The following PGR variants were observed in gnomAD, a reference collection of about 807,000 sequenced individuals.
PGR encodes progesterone receptor.
Under a neutral mutation model 76.1 loss-of-function variants are expected in PGR, and 25 were observed. That is an observed-to-expected ratio of 0.33 (90% CI 0.24 to 0.46). The LOEUF (loss-of-function observed/expected upper bound fraction) is 0.46, where lower values mean the gene tolerates loss of function less well. Among genes scored for constraint, PGR ranks in the 20% least tolerant of loss-of-function variants. PGR has a pLI of 1.00. For synonymous variants in PGR, 579 were observed against 535.0 expected (o/e 1.08, Z -1.14); for missense variants, 1,172 against 1,225.3 (o/e 0.96, Z 0.65).
chr11:101,107,256 G>A (rs1323542222), intron 2 of PGR, among the ~76,000 whole-genome samples: 1 of 152,066 alleles, frequency 6.6e-6, no homozygotes, highest in Non-Finnish European at 1.5e-5. Context: ...TCTAAATAAT[G>A]TGTTCTTTTT....
chr11:101,086,384 G>T (rs1312697326), intron 3 of PGR, among the ~76,000 whole-genome samples: 3 of 152,000 alleles, frequency 2.0e-5, no homozygotes, highest in Non-Finnish European at 2.9e-5. Flanking sequence ...TCGATAAAAT[G>T]CAATACCACT....
intron 4 of PGR, among the ~76,000 whole-genome samples, chr11:101,055,414 CAAAAAAAAAAAAAAAA>C (rs61303675): frequency 3.1e-5 from 2 of 65,040 alleles, no homozygotes; most frequent in African/African-American, 1.3e-4. Flanking sequence ...GACTCCATCT[CAAAAAAAAAAAAAAAA>C]AAAAAAAAAA....
chr11:101,039,222 C>T lies in PGR; in HGVS notation c.2696G>A (p.Arg899Gln), dbSNP rs757347239. ...TTCTGGAAATTCAACACTCAGTGCCCGGGACTGGATAAATGTATTCAAGCA... is the reference window on the plus strand; with the variant it reads ...TTCTGGAAATTCAACACTCAGTGCCTGGGACTGGATAAATGTATTCAAGCA... ...LYCLNTFIQSRALSVEFPEMM... is the reference protein window; with the variant it reads ...LYCLNTFIQSQALSVEFPEMM... The change falls in exon 8 of 8, where the codon CGG becomes CAG. Residue 899 changes from arginine (R) to glutamine (Q), a missense_variant. By Grantham distance (43) the Arg-to-Gln change is conservative. Around this residue, in one of 4 missense-constraint regions of PGR, gnomAD observed 166 missense variants for 296.0 expected, o/e 0.56. Transcript: ENST00000325455. The T allele has an allele frequency of 6.8e-6, 11 of 1,611,026 alleles. No homozygotes were observed. The highest frequency in any genetic ancestry group is 2.5e-6 in the Non-Finnish European group (3 of 1,177,914).
chr11:101,127,492 C>T lies in PGR; in HGVS notation c.1579G>A (p.Ala527Thr). The change falls in exon 1 of 8, where the codon GCC becomes ACC. Residue 527 changes from alanine (A) to threonine (T), a missense_variant. Around this residue, in one of 4 missense-constraint regions of PGR, gnomAD observed 893 missense variants for 785.9 expected, o/e 1.14. Coordinates refer to ENST00000325455, the MANE Select transcript of PGR (RefSeq NM_000926.4). ...LNGLPQLGYQ[A>T]AVLKEGLPQV... ...GGCAGGCCCTCCTTGAGCACGGCGG[C>T]CTGGTAGCCGAGCTGCGGGAGCCCG... is the stretch of plus-strand genomic sequence containing the variant. 2 of 1,553,454 alleles carry T rather than the reference C, an allele frequency of 1.3e-6. No homozygotes were observed. Among genetic ancestry groups the T allele is most frequent in the South Asian group, 1.2e-5 (1 of 84,488 alleles).
At position 101,117,673 on chromosome 11, in the gene PGR, G is replaced by A. The variant is rs188515406; in HGVS notation, c.1789+8334C>T. 3.9e-3 allele frequency among the ~76,000 whole-genome samples: 592 copies of A among 150,456 alleles called. 2 individuals are homozygous for A. Among genetic ancestry groups the A allele is most frequent in the African/African-American group, 0.014 (560 of 41,304 alleles). ...ATTTTTCTTGTGTATAATACGCCAG[G>A]AGTCACAATATTATTATATTAAAAA... On this transcript the variant is annotated intron_variant, in intron 2 of 7. Transcript: ENST00000325455.
intron 3 of PGR, among the ~76,000 whole-genome samples, chr11:101,087,431 T>A (rs1401659566): frequency 1.3e-5 from 2 of 152,062 alleles, no homozygotes; most frequent in Admixed American, 6.6e-5. Flanking sequence ...AAAAATTACC[T>A]CAAGGTAGAT....
rs10682415 is a variant in PGR, at chr11:101,100,605, C to CCACACACA, written c.1790-8737_1790-8730dup. Among the ~76,000 whole-genome samples the CCACACACA allele has an allele frequency of 7.5e-3, 1,114 of 147,662 alleles. 12 individuals carry two copies. The highest frequency in any genetic ancestry group is 0.024 in the African/African-American group (956 of 39,994). On this transcript the variant is annotated intron_variant, in intron 2 of 7. Coordinates refer to ENST00000325455, the MANE Select transcript of PGR (RefSeq NM_000926.4). ...TAATGCTGATACTAGTATTTTGAAT[C>CCACACACA]CACACACACACACACACACACACAC...
chr11:101,068,069 A>T (rs1860787057), intron 3 of PGR, among the ~76,000 whole-genome samples: 1 of 152,182 alleles, frequency 6.6e-6, no homozygotes, highest in Non-Finnish European at 1.5e-5. Flanking sequence ...TATTTTCTTA[A>T]GCCAACTGAG....
chr11:101,041,889 A>C, intron 7 of PGR, 56 bp downstream of exon 7: 1 of 1,465,156 alleles, frequency 6.8e-7, no homozygotes, highest in Non-Finnish European at 9.5e-7. Flanking sequence ...ACATTTAAAA[A>C]GTTATAGAAA....
At chr11:101,074,059 T>C (rs1180232831) in intron 3 of PGR, among the ~76,000 whole-genome samples, 2 of 152,172 alleles carry the variant, frequency 1.3e-5, no homozygotes, top group Non-Finnish European at 1.5e-5. Context: ...CTGATGAATA[T>C]TGATGCAAAA....
chr11:101,068,409 G>A (rs1159806538), intron 3 of PGR, among the ~76,000 whole-genome samples: 1 of 152,030 alleles, frequency 6.6e-6, no homozygotes, highest in Admixed American at 6.6e-5. Flanking sequence ...TCATAGATAG[G>A]AAGAATGTAT....
chr11:101,055,256 T>C (rs1480822835), intron 4 of PGR, among the ~76,000 whole-genome samples: 1 of 151,580 alleles, frequency 6.6e-6, no homozygotes, highest in Non-Finnish European at 1.5e-5. Context: ...CTACTAAAAA[T>C]ACAAAAATTA....
In PGR at chr11:101,031,884, C is replaced by CA. The variant is rs1859364359; in HGVS notation, c.*7231dup. The CA allele has an allele frequency of 1.7e-5, 4 of 230,104 alleles. No individual in the cohort carries two copies. Among genetic ancestry groups the CA allele is most frequent in the Admixed American group, 5.7e-5 (1 of 17,664 alleles). The allele number at this position is 230,104 out of a possible 1,614,324, so 14.3% of individuals were successfully genotyped here. On this transcript the variant is annotated 3_prime_UTR_variant, in exon 8 of 8. Transcript: ENST00000325455. ...AGAATGTGTTTATTTTGTATGGGTT[C>CA]AGCACAACTCAGTTCCTCTTTCTCA...
Position 101,127,632 on chromosome 11 carries a change from C to A in PGR, c.1439G>T (p.Cys480Phe), listed in dbSNP as rs1862901297. Reference protein sequence around the residue: ...PQQGPFAPPPCKAPGASGCLL... With the variant: ...PQQGPFAPPPFKAPGASGCLL... ...GCAGCCGCTCGCGCCCGGCGCCTTG[C>A]AGGGCGGCGGCGCGAACGGGCCCTG... Residue 480 changes from cysteine (C) to phenylalanine (F), a missense_variant, in exon 1 of 8, where the codon TGC becomes TTC. Cys to Phe is a radical substitution (Grantham distance 205). This residue lies in a region of PGR where 893 missense variants were observed against 785.9 expected (regional missense o/e 1.14). Transcript: ENST00000325455. The A allele has an allele frequency of 2.2e-6, 3 of 1,364,668 alleles. No homozygotes were observed. Among genetic ancestry groups the A allele is most frequent in the Non-Finnish European group, 2.8e-6 (3 of 1,066,238 alleles). 84.5% of individuals were successfully genotyped at this position (1,364,668 alleles called of 1,614,324 possible).
chr11:101,111,121 C>T (rs1862329345), intron 2 of PGR, among the ~76,000 whole-genome samples: 1 of 152,186 alleles, frequency 6.6e-6, no homozygotes, highest in Non-Finnish European at 1.5e-5. Flanking sequence ...TTGTCTAGAA[C>T]AGAACCTGCG....
chr11:101,123,157 T>C (rs1412579955), intron 2 of PGR, among the ~76,000 whole-genome samples: 1 of 152,210 alleles, frequency 6.6e-6, no homozygotes, highest in Non-Finnish European at 1.5e-5. Context: ...AGTTTCCTCA[T>C]TTGTAAAGTG....
chr11:101,036,442 G>A lies in PGR; in HGVS notation c.*2674C>T, dbSNP rs1859518504. ...AAGAATCTATTTCAGTAACCTTCAA[G>A]TATTTCCTGATATGTAACCTGTCTT... On this transcript the variant is annotated 3_prime_UTR_variant, in exon 8 of 8. Coordinates refer to ENST00000325455, the MANE Select transcript of PGR (RefSeq NM_000926.4). 5.0e-6 allele frequency: 1 copy of A among 200,360 alleles called. No homozygotes were observed. Among genetic ancestry groups the A allele is most frequent in the South Asian group, 1.9e-4 (1 of 5,270 alleles). 12.4% of individuals were successfully genotyped at this position (200,360 alleles called of 1,614,324 possible).
At chr11:101,042,834 T>C (rs1859739195) in intron 6 of PGR, among the ~76,000 whole-genome samples, 2 of 152,168 alleles carry the variant, frequency 1.3e-5, no homozygotes, top group Non-Finnish European at 2.9e-5. Flanking sequence ...ATGTATTAAG[T>C]GTGCAACAGC....
intron 2 of PGR, among the ~76,000 whole-genome samples, chr11:101,107,233 TTCATG>T (rs769328955): frequency 6.6e-6 from 1 of 152,108 alleles, no homozygotes; most frequent in Non-Finnish European, 1.5e-5. Context: ...AATTAAGTTC[TTCATG>T]TCATCATTCT....
Sources: allele counts gnomAD v4.1 joint callset (sites outside exome capture counted in the v4.1 genomes callset), GRCh38; gene constraint gnomAD v4.1.1; regional missense constraint gnomAD v4.1.1; transcripts MANE v1.5; gene names NCBI Gene and HGNC (gene_info 2026-07-23, HGNC 2026-07-21).